Variants in LRRC4C observed in about 807,000 individuals in gnomAD.
LRRC4C encodes leucine rich repeat containing 4C.
Under a neutral mutation model 33.6 loss-of-function variants are expected in LRRC4C, and 5 were observed. The observed-to-expected ratio is 0.15, with a 90% CI of 0.08 to 0.31. LRRC4C has a LOEUF of 0.31. Among genes scored for constraint, LRRC4C ranks in the 10% least tolerant of loss-of-function variants. The pLI is 1.00. For missense variants in LRRC4C, 560 were observed against 796.7 expected (o/e 0.70, Z 3.58); for synonymous variants, 329 against 302.0 (o/e 1.09, Z -0.93).
chr11:41,221,826 T>A (rs1947322615), intron 1 of LRRC4C, among the ~76,000 whole-genome samples: 1 of 152,152 alleles, frequency 6.6e-6, no homozygotes, highest in South Asian at 2.1e-4. Context: ...ATTCCTAACA[T>A]CATTAGTTCT....
At chr11:41,304,482 G>A (rs1950407025) in intron 1 of LRRC4C, among the ~76,000 whole-genome samples, 1 of 99,464 alleles carries the variant, frequency 1.0e-5, no homozygotes, top group Non-Finnish European at 2.1e-5. Flanking sequence ...GGGAAGTGAG[G>A]AGCCCCTCTG....
intron 1 of LRRC4C, among the ~76,000 whole-genome samples, chr11:41,281,114 A>G (rs1008836033): frequency 1.5e-5 from 2 of 133,640 alleles, no homozygotes; most frequent in Non-Finnish European, 3.1e-5. Context: ...TCACACACAC[A>G]CACACACACA....
intron 1 of LRRC4C, among the ~76,000 whole-genome samples, chr11:41,073,895 G>A (rs1274406556): frequency 1.3e-5 from 2 of 152,106 alleles, no homozygotes; most frequent in Non-Finnish European, 2.9e-5. Context: ...GTAGAAATAA[G>A]CAGTCCTTTT....
At chr11:40,301,825 G>A (rs1944786448) in intron 4 of LRRC4C, among the ~76,000 whole-genome samples, 1 of 152,140 alleles carries the variant, frequency 6.6e-6, no homozygotes, top group African/African-American at 2.4e-5. Context: ...TAAACAATTT[G>A]CATTTTTAAA....
chr11:41,344,214 T>C (rs1487877799), intron 1 of LRRC4C, among the ~76,000 whole-genome samples: 9 of 149,756 alleles, frequency 6.0e-5, no homozygotes, highest in African/African-American at 2.2e-4. Flanking sequence ...TTTGCTCCTC[T>C]GTGAAGCCTT....
rs138726744 is a variant in LRRC4C at position 41,404,535 on chromosome 11, G to GACACACACAC, written c.-496+54886_-496+54895dup. On this transcript the variant is annotated intron_variant, in intron 1 of 6. Transcript: ENST00000528697. ...ACACACACAGACACAAAGACACACA[G>GACACACACAC]ACACACACACACACACACACACACA... is the stretch of plus-strand genomic sequence containing the variant. 7.5e-4 allele frequency among the ~76,000 whole-genome samples: 28 copies of GACACACACAC among 37,332 alleles called. No homozygotes were observed. The East Asian group carries it at 8.9e-3, about 12-fold the overall frequency. The allele number at this position is 37,332 out of a possible 152,430, so 24.5% of individuals were successfully genotyped here.
intron 1 of LRRC4C, among the ~76,000 whole-genome samples, chr11:41,135,567 T>A (rs1038942055): frequency 6.6e-5 from 10 of 152,216 alleles, no homozygotes; most frequent in Non-Finnish European, 1.2e-4. Flanking sequence ...ACCACACTAT[T>A]GATCCACATA....
intron 1 of LRRC4C, among the ~76,000 whole-genome samples, chr11:40,992,290 A>C (rs1592281584): frequency 6.6e-6 from 1 of 152,286 alleles, no homozygotes; most frequent in South Asian, 2.1e-4. Context: ...AATTTTATTG[A>C]AAATAAGTAT....
chr11:41,015,534 G>A (rs748301482), intron 1 of LRRC4C, among the ~76,000 whole-genome samples: 1 of 152,006 alleles, frequency 6.6e-6, no homozygotes, highest in Non-Finnish European at 1.5e-5. Flanking sequence ...GTCTGGTTTT[G>A]AACTCCTGAC....
At chr11:40,887,314 T>A (rs556549800) in intron 2 of LRRC4C, among the ~76,000 whole-genome samples, 5 of 152,092 alleles carry the variant, frequency 3.3e-5, no homozygotes, top group Admixed American at 1.3e-4. Context: ...TATGGAAATA[T>A]TAGTCTCTGT....
At chr11:40,883,001 G>T (rs1464578274) in intron 2 of LRRC4C, among the ~76,000 whole-genome samples, 2 of 152,022 alleles carry the variant, frequency 1.3e-5, no homozygotes, top group Admixed American at 1.3e-4. Flanking sequence ...ACCATGAATG[G>T]TCTGAGGTAT....
chr11:41,058,984 T>G (rs978295508), intron 1 of LRRC4C, among the ~76,000 whole-genome samples: 41 of 152,224 alleles, frequency 2.7e-4, no homozygotes, highest in African/African-American at 8.4e-4. Flanking sequence ...TGTTCTCACT[T>G]ATAAGTAGAA....
At chr11:40,745,162 C>A (rs894174354) in intron 2 of LRRC4C, among the ~76,000 whole-genome samples, 4 of 152,140 alleles carry the variant, frequency 2.6e-5, no homozygotes, top group African/African-American at 9.7e-5. Flanking sequence ...ACGCAGAAAG[C>A]ATTATCATGC....
intron 2 of LRRC4C, among the ~76,000 whole-genome samples, chr11:40,752,924 G>A (rs1345388755): frequency 6.6e-6 from 1 of 152,044 alleles, no homozygotes; most frequent in Non-Finnish European, 1.5e-5. Flanking sequence ...ATACACAGTG[G>A]AATACTATTT....
chr11:40,937,925 G>A lies in LRRC4C; in HGVS notation c.-495-4202C>T, dbSNP rs187170546. On this transcript the variant is annotated intron_variant, in intron 1 of 6. Transcript: ENST00000528697. ...TTCTGCCTTGGCCTCCCAAAGTGCT[G>A]GAATTACAAGTGTGAGCTCCTGCAC... Among the ~76,000 whole-genome samples, 224 of 152,074 alleles carry A rather than the reference G, an allele frequency of 1.5e-3. 2 individuals are homozygous for A. The highest frequency in any genetic ancestry group is 5.3e-3 in the African/African-American group (220 of 41,468).
intron 1 of LRRC4C, among the ~76,000 whole-genome samples, chr11:41,204,222 C>A (rs1946508042): frequency 6.6e-6 from 1 of 152,130 alleles, no homozygotes; most frequent in Non-Finnish European, 1.5e-5. Context: ...TTAAGATTAT[C>A]CACACAAGCA....
chr11:40,398,459 T>C (rs1386976763), intron 3 of LRRC4C, among the ~76,000 whole-genome samples: 1 of 152,096 alleles, frequency 6.6e-6, no homozygotes, highest in South Asian at 2.1e-4. Context: ...AAGATCCCAA[T>C]ATGAGTTTGT....
chr11:40,296,888 A>G (rs1565245303), intron 4 of LRRC4C, among the ~76,000 whole-genome samples: 1 of 152,170 alleles, frequency 6.6e-6, no homozygotes, highest in South Asian at 2.1e-4. Flanking sequence ...AAGCATGGAG[A>G]GGACAAAATG....
At chr11:40,610,355 G>C (rs1489603215) in intron 3 of LRRC4C, among the ~76,000 whole-genome samples, 2 of 151,574 alleles carry the variant, frequency 1.3e-5, no homozygotes, top group East Asian at 1.9e-4. Flanking sequence ...ACTAGGAATA[G>C]AATAATATTA....
Sources: gnomAD v4.1 joint callset for allele counts (sites outside exome capture counted in the v4.1 genomes callset) on GRCh38, gnomAD v4.1.1 for gene constraint, MANE v1.5 for transcripts, NCBI Gene and HGNC (gene_info 2026-07-23, HGNC 2026-07-21) for gene names.